The following CGNL1 variants were observed in gnomAD, a reference collection of about 807,000 sequenced individuals.
The protein encoded by CGNL1 is cingulin-like protein 1.
Under a neutral mutation model 141.2 loss-of-function variants are expected in CGNL1, and 132 were observed. That is an observed-to-expected ratio of 0.93 (90% CI 0.81 to 1.08). CGNL1 has a LOEUF of 1.08. Ranked by LOEUF, CGNL1 falls within the 50% of genes least tolerant of loss-of-function variation. CGNL1 has a pLI of 0.00. For synonymous variants in CGNL1, 690 were observed against 622.1 expected (o/e 1.11, Z -1.63); for missense variants, 1,870 against 1,588.6 (o/e 1.18, Z -3.01).
chr15:57,394,111 T>G (rs1401107446), intron 1 of CGNL1: 2 of 138,768 alleles, frequency 1.4e-5, no homozygotes, highest in Non-Finnish European at 3.2e-5. Context: ...GTTTGTTTTT[T>G]TTTTTTTTTT....
intron 14 of CGNL1, among the ~76,000 whole-genome samples, chr15:57,532,931 A>G (rs1236847869): frequency 2.6e-5 from 4 of 152,178 alleles, no homozygotes; most frequent in African/African-American, 9.7e-5. Context: ...TCCAAAGGGC[A>G]CTTTCCTCTG....
chr15:57,540,365 C>T (rs1382690179), intron 14 of CGNL1, among the ~76,000 whole-genome samples: 1 of 152,120 alleles, frequency 6.6e-6, no homozygotes, highest in African/African-American at 2.4e-5. Context: ...TACATGGCGG[C>T]AGGCAAAAGA....
chr15:57,519,267 T>C (rs2031075648), intron 10 of CGNL1, among the ~76,000 whole-genome samples: 1 of 152,144 alleles, frequency 6.6e-6, no homozygotes, highest in South Asian at 2.1e-4. Flanking sequence ...GAAGCCAGTG[T>C]TTTTGAGAGT....
At position 57,404,159 on chromosome 15, in the gene CGNL1, A is replaced by G. The variant is rs115960102; in HGVS notation, c.-16+27592A>G. ...TATTAACCAAGCCCAGAAGCCAGGG[A>G]TCTGGAAGCCTGGCAGTATTTCCAG... On this transcript the variant is annotated intron_variant, in intron 1 of 18. Coordinates refer to ENST00000281282, the MANE Select transcript of CGNL1 (RefSeq NM_032866.5). 6.1e-3 allele frequency among the ~76,000 whole-genome samples: 933 copies of G among 152,316 alleles called. 14 individuals carry two copies. Among genetic ancestry groups the G allele is most frequent in the African/African-American group, 0.021 (885 of 41,560 alleles).
intron 1 of CGNL1, among the ~76,000 whole-genome samples, chr15:57,426,612 ATT>A (rs35055374): frequency 0.16 from 18,696 of 119,748 alleles, 1,222 homozygotes; most frequent in Middle Eastern, 0.22. Flanking sequence ...ATGCTTGGCT[ATT>A]TTTTTTTTTT....
At chr15:57,392,412 C>T (rs1382652975) in intron 1 of CGNL1, among the ~76,000 whole-genome samples, 2 of 152,152 alleles carry the variant, frequency 1.3e-5, no homozygotes, top group African/African-American at 4.8e-5. Context: ...GGCACAGTGT[C>T]TTCTACCTAG....
chr15:57,460,464 C>G (rs2063431519), intron 7 of CGNL1, among the ~76,000 whole-genome samples: 1 of 152,152 alleles, frequency 6.6e-6, no homozygotes, highest in Non-Finnish European at 1.5e-5. Flanking sequence ...GAAAAGACAA[C>G]TGTATTAGTC....
At chr15:57,535,271 G>A (rs1211560675) in intron 14 of CGNL1, among the ~76,000 whole-genome samples, 1 of 152,198 alleles carries the variant, frequency 6.6e-6, no homozygotes, top group African/African-American at 2.4e-5. Context: ...AGCTCCAAGA[G>A]GACCAGAAAT....
At chr15:57,377,520 A>C (rs1299519005) in intron 1 of CGNL1, among the ~76,000 whole-genome samples, 2 of 152,144 alleles carry the variant, frequency 1.3e-5, no homozygotes, top group African/African-American at 4.8e-5. Context: ...CACTCTTCGG[A>C]CGGCTCAAGA....
At chr15:57,448,015 A>C (rs1381087251) in intron 4 of CGNL1, among the ~76,000 whole-genome samples, 3 of 152,112 alleles carry the variant, frequency 2.0e-5, no homozygotes, top group African/African-American at 7.2e-5. Flanking sequence ...TCTTTTAAGA[A>C]CTTTTCTTTG....
chr15:57,394,837 C>T (rs1460942051), intron 1 of CGNL1, among the ~76,000 whole-genome samples: 8 of 152,172 alleles, frequency 5.3e-5, no homozygotes, highest in Middle Eastern at 3.2e-3. Context: ...TTTGGCTGGG[C>T]GCAGTGGCTC....
At chr15:57,433,018 C>A (rs1183565509) in intron 1 of CGNL1, among the ~76,000 whole-genome samples, 5 of 150,676 alleles carry the variant, frequency 3.3e-5, no homozygotes, top group Non-Finnish European at 2.9e-5. Flanking sequence ...GAAATATTTT[C>A]ATTGAAAAGT....
At chr15:57,538,406 T>C (rs2032379352) in intron 14 of CGNL1, among the ~76,000 whole-genome samples, 1 of 152,260 alleles carries the variant, frequency 6.6e-6, no homozygotes, top group Non-Finnish European at 1.5e-5. Context: ...CTCTGATTTA[T>C]TTTACATTTC....
intron 12 of CGNL1, among the ~76,000 whole-genome samples, chr15:57,525,541 CTG>C (rs1469811622): frequency 6.6e-6 from 1 of 152,196 alleles, no homozygotes; most frequent in Non-Finnish European, 1.5e-5. Context: ...ATATGTGAGA[CTG>C]TGTAGCAGCG....
chr15:57,447,908 G>A (rs989467308), intron 4 of CGNL1, among the ~76,000 whole-genome samples: 5 of 151,654 alleles, frequency 3.3e-5, no homozygotes, highest in African/African-American at 4.8e-5. Flanking sequence ...AAATTCATTA[G>A]TCTTGTTTTC....
At chr15:57,398,538 G>A (rs1255703225) in intron 1 of CGNL1, 1 of 152,218 alleles carries the variant, frequency 6.6e-6, no homozygotes, top group Non-Finnish European at 1.5e-5. Context: ...TGCAGTGCTG[G>A]GAAGCACTGT....
intron 1 of CGNL1, among the ~76,000 whole-genome samples, chr15:57,418,578 C>G (rs1216726354): frequency 6.6e-6 from 1 of 152,176 alleles, no homozygotes; most frequent in Non-Finnish European, 1.5e-5. Context: ...TAGTTCTACT[C>G]TTTGGCTTGT....
At chr15:57,442,967 T>C (rs1397664446) in intron 4 of CGNL1, among the ~76,000 whole-genome samples, 2 of 152,198 alleles carry the variant, frequency 1.3e-5, no homozygotes, top group Admixed American at 6.5e-5. Context: ...TATTTAAAAA[T>C]ACATAGACTA....
At chr15:57,481,518 G>A (rs567786743) in intron 8 of CGNL1, among the ~76,000 whole-genome samples, 8 of 152,116 alleles carry the variant, frequency 5.3e-5, no homozygotes, top group Non-Finnish European at 8.8e-5. Context: ...GTATCAACAG[G>A]TTCTTTCCTT....
Sources: gnomAD v4.1 joint callset for allele counts (sites outside exome capture counted in the v4.1 genomes callset) on GRCh38, gnomAD v4.1.1 for gene constraint, MANE v1.5 for transcripts, NCBI Gene and HGNC (gene_info 2026-07-23, HGNC 2026-07-21) for gene names.